SLC12A7: variants seen among roughly 807,000 people sequenced by gnomAD.
SLC12A7 encodes solute carrier family 12 member 7.
Under a neutral mutation model 120.6 loss-of-function variants are expected in SLC12A7, and 100 were observed. That is an observed-to-expected ratio of 0.83 (90% CI 0.71 to 0.98). The LOEUF (loss-of-function observed/expected upper bound fraction) is 0.98, where lower values mean the gene tolerates loss of function less well. Among genes scored for constraint, SLC12A7 ranks in the 50% least tolerant of loss-of-function variants. The pLI, the probability that SLC12A7 is intolerant of heterozygous loss-of-function variation, is 0.00. For synonymous variants in SLC12A7, 760 were observed against 678.0 expected, an observed-to-expected ratio of 1.12 and a Z score of -1.88; for missense variants, 1,373 against 1,548.1, an observed-to-expected ratio of 0.89 and a Z score of 1.90.
At chr5:1,151,639 A>G in the SLC12A7 span, among the ~76,000 whole-genome samples, 2 of 150,960 alleles carry the variant, frequency 1.3e-5, no homozygotes, top group Non-Finnish European at 3.0e-5. The surrounding 1 kb of genome is among the most constrained non-coding windows in gnomAD (Gnocchi z 6.2). Context: ...GAAGGGTCCG[A>G]CAGGCTGAGG....
At chr5:1,053,310 T>TGC in intron 23 of SLC12A7, 39 bp downstream of exon 23, 1 of 1,598,682 alleles carries the variant, frequency 6.3e-7, no homozygotes, top group Non-Finnish European at 8.5e-7. Flanking sequence ...CACCAGGGGG[T>TGC]GCCCGCACGC....
intron 14 of SLC12A7, among the ~76,000 whole-genome samples, 188 bp from the exon 15 acceptor site, chr5:1,075,678 C>T (rs1275188018): frequency 6.6e-6 from 1 of 152,206 alleles, no homozygotes; most frequent in Non-Finnish European, 1.5e-5. Flanking sequence ...CCCTGGGCCC[C>T]TGTGGGAGCT....
chr5:1,120,581 C>T, the SLC12A7 span, among the ~76,000 whole-genome samples: 2 of 152,226 alleles, frequency 1.3e-5, no homozygotes, highest in East Asian at 1.9e-4. Flanking sequence ...CATCACCACC[C>T]AGAAACCCCA....
At chr5:1,063,462 G>GGGCA (rs1391726716) in intron 20 of SLC12A7, among the ~76,000 whole-genome samples, 1 of 152,152 alleles carries the variant, frequency 6.6e-6, no homozygotes, top group African/African-American at 2.4e-5. Flanking sequence ...GCCGGCTCTA[G>GGGCA]GGCAACACCC....
At chr5:1,149,252 A>G in the SLC12A7 span, among the ~76,000 whole-genome samples, 2 of 151,768 alleles carry the variant, frequency 1.3e-5, no homozygotes, top group African/African-American at 2.4e-5. Flanking sequence ...CACTTGTAAC[A>G]TCCTCACCAA....
At position 1,052,453 on chromosome 5, in the gene SLC12A7, T is replaced by C. The variant is rs1343799492; in HGVS notation, c.3161-2A>G. 6.2e-7 allele frequency: 1 copy of C among 1,612,142 alleles called. No homozygotes were observed. Among genetic ancestry groups the C allele is most frequent in the Non-Finnish European group, 8.5e-7 (1 of 1,179,312 alleles). On this transcript the variant is annotated splice_acceptor_variant, in intron 23 of 23. Coordinates refer to ENST00000264930, the MANE Select transcript of SLC12A7 (RefSeq NM_006598.3). LOFTEE classifies it high-confidence loss of function. ...TCAGGACTTCAAGAAACTCCATGTC[T>C]GTGGTCAACAGAGTTAAGGCCACAG... is the stretch of plus-strand genomic sequence containing the variant.
At position 1,052,258 on chromosome 5, in the gene SLC12A7, G is replaced by A. The variant is rs1735117002; in HGVS notation, c.*102C>T. 1.0e-6 allele frequency: 1 copy of A among 987,984 alleles called. No individual in the cohort carries two copies. Among genetic ancestry groups the A allele is most frequent in the Non-Finnish European group, 1.6e-6 (1 of 618,640 alleles). The allele number at this position is 987,984 out of a possible 1,614,324, so 61.2% of individuals were successfully genotyped here. A position where few individuals can be genotyped will look rare whatever the true frequency, so the allele number is the denominator to read the frequency against. ...GGGCAGCTTGGGCGGCATCACTGGG[G>A]GACAGGTGTGTCTGCCGTCTGTTTC... On this transcript the variant is annotated 3_prime_UTR_variant, in exon 24 of 24. Coordinates refer to ENST00000264930, the MANE Select transcript of SLC12A7 (RefSeq NM_006598.3).
At chr5:1,090,786 C>T (rs1424816613) in intron 3 of SLC12A7, among the ~76,000 whole-genome samples, 1 of 152,226 alleles carries the variant, frequency 6.6e-6, no homozygotes, top group African/African-American at 2.4e-5. Flanking sequence ...CCTGACTCCT[C>T]ACGGAAGGGC....
At chr5:1,114,290 T>C (rs1333049738), upstream of SLC12A7, among the ~76,000 whole-genome samples, 1 of 152,164 alleles carries the variant, frequency 6.6e-6, no homozygotes, top group African/African-American at 2.4e-5. Context: ...TAGATCTTAC[T>C]TGTGGGAGAC....
At position 1,086,852 on chromosome 5, in the gene SLC12A7, C is replaced by T. The variant is rs756216892; in HGVS notation, c.675+51G>A. 5 of 1,596,798 alleles carry T rather than the reference C, an allele frequency of 3.1e-6. No individual in the cohort carries two copies. In the South Asian group the frequency reaches 3.3e-5, roughly 11 times the overall value. Reference sequence around the variant, plus strand: ...GAGTGGGTCAGGCAGGGCCCCTTGGCATCCTGCCACAGACTGTGGGGTGGG... The same window carrying T: ...GAGTGGGTCAGGCAGGGCCCCTTGGTATCCTGCCACAGACTGTGGGGTGGG... On this transcript the variant is annotated intron_variant, in intron 6 of 23. Transcript: ENST00000264930.
At chr5:1,060,669 T>G (rs1206189490) in intron 20 of SLC12A7, among the ~76,000 whole-genome samples, 1 of 152,172 alleles carries the variant, frequency 6.6e-6, no homozygotes, top group Non-Finnish European at 1.5e-5. Flanking sequence ...GCTCTGCTCA[T>G]GTCCCTCCCC....
At chr5:1,082,220 T>C (rs57278753) in intron 8 of SLC12A7, among the ~76,000 whole-genome samples, 13 of 68,938 alleles carry the variant, frequency 1.9e-4, no homozygotes, top group Admixed American at 2.1e-4. Flanking sequence ...CCGGGCTTCC[T>C]CTCTAGGGTT....
At chr5:1,097,705 G>T (rs896146744) in intron 1 of SLC12A7, among the ~76,000 whole-genome samples, 1 of 152,188 alleles carries the variant, frequency 6.6e-6, no homozygotes, top group African/African-American at 2.4e-5. Flanking sequence ...ACGGAATACA[G>T]AAAAGCAGGG....
chr5:1,155,109 C>A, the SLC12A7 span, among the ~76,000 whole-genome samples: 2 of 151,488 alleles, frequency 1.3e-5, no homozygotes, highest in African/African-American at 2.4e-5. Context: ...CCAGGCCCCT[C>A]GCCCACCTCA....
At chr5:1,112,144 C>G, upstream of SLC12A7, 1 of 951,040 alleles carries the variant, frequency 1.1e-6, no homozygotes, top group African/African-American at 1.7e-5. Context: ...CGCGGCCCCA[C>G]GAAAAGTTGG....
At chr5:1,062,669 A>AGGGCTGGGGGGCTGGGGGGCTGGG (rs201629110) in intron 20 of SLC12A7, among the ~76,000 whole-genome samples, 1 of 85,854 alleles carries the variant, frequency 1.2e-5, no homozygotes, top group Non-Finnish European at 2.2e-5. Flanking sequence ...TGCCATACCC[A>AGGGCTGGGGGGCTGGGGGGCTGGG]GGGCTGGGGG....
chr5:1,074,497 C>T, intron 16 of SLC12A7, 70 bp downstream of exon 16: 4 of 1,412,402 alleles, frequency 2.8e-6, no homozygotes, highest in Non-Finnish European at 3.9e-6. Flanking sequence ...CAAAGGTCCC[C>T]ACTCAAAGGC....
chr5:1,120,124 C>T, the SLC12A7 span, among the ~76,000 whole-genome samples: 1 of 152,274 alleles, frequency 6.6e-6, no homozygotes, highest in South Asian at 2.1e-4. Flanking sequence ...AGCCAGAGAG[C>T]ACAGATTGAC....
chr5:1,119,479 T>G, the SLC12A7 span, among the ~76,000 whole-genome samples: 4 of 152,348 alleles, frequency 2.6e-5, no homozygotes, highest in Admixed American at 6.5e-5. Flanking sequence ...ACACAAGCCC[T>G]TTGGAAAGCT....
Sources: gnomAD v4.1 joint callset for allele counts (sites outside exome capture counted in the v4.1 genomes callset) on GRCh38, gnomAD v4.1.1 for gene constraint, Gnocchi (gnomAD v3.1) non-coding constraint, MANE v1.5 for transcripts, NCBI Gene and HGNC (gene_info 2026-07-23, HGNC 2026-07-21) for gene names.